Variants in ARHGEF28 observed in about 807,000 individuals in gnomAD.
ARHGEF28 encodes the protein Rho guanine nucleotide exchange factor 28, also known as 190 kDa guanine nucleotide exchange factor.
Under a neutral mutation model 206.6 loss-of-function variants are expected in ARHGEF28, and 152 were observed. That is an observed-to-expected ratio of 0.74 (90% CI 0.64 to 0.84). The LOEUF (loss-of-function observed/expected upper bound fraction) is 0.84. Among genes scored for constraint, ARHGEF28 ranks in the 40% least tolerant of loss-of-function variants. The probability of loss-of-function intolerance (pLI) is 0.00; values close to 1 mark genes in which losing one functional copy is unlikely to be tolerated. For missense variants in ARHGEF28, 2,028 were observed against 2,073.2 expected (o/e 0.98, Z 0.42); for synonymous variants, 763 against 776.4 (o/e 0.98, Z 0.29).
At chr5:73,832,916 T>C (rs916089487) in intron 10 of ARHGEF28, among the ~76,000 whole-genome samples, 29 of 152,348 alleles carry the variant, frequency 1.9e-4, no homozygotes, top group African/African-American at 6.5e-4. Flanking sequence ...ATACAACGCA[T>C]CTATTAACAT....
chr5:73,818,975 A>G (rs1756406123), intron 9 of ARHGEF28, among the ~76,000 whole-genome samples: 1 of 152,206 alleles, frequency 6.6e-6, no homozygotes, highest in African/African-American at 2.4e-5. Context: ...GTCCCATAGG[A>G]GAGATCAGGA....
intron 9 of ARHGEF28, among the ~76,000 whole-genome samples, chr5:73,806,842 A>T (rs1274981432): frequency 6.8e-6 from 1 of 146,934 alleles, no homozygotes; most frequent in Non-Finnish European, 1.5e-5. Context: ...TATATATGGT[A>T]TATATCGATA....
chr5:73,672,692 G>A (rs1160442596), intron 1 of ARHGEF28, among the ~76,000 whole-genome samples: 3 of 152,226 alleles, frequency 2.0e-5, no homozygotes, highest in East Asian at 1.9e-4. Flanking sequence ...TGAGCTTTGC[G>A]TTGACATGAA....
At chr5:73,886,146 T>C in intron 25 of ARHGEF28, 42 bp downstream of exon 25, 1 of 1,560,548 alleles carries the variant, frequency 6.4e-7, no homozygotes, top group Non-Finnish European at 8.6e-7. Flanking sequence ...TTCATACACA[T>C]TATTCATTTA....
At chr5:73,802,154 A>T (rs1433759272) in intron 9 of ARHGEF28, among the ~76,000 whole-genome samples, 1 of 152,238 alleles carries the variant, frequency 6.6e-6, no homozygotes, top group Non-Finnish European at 1.5e-5. Flanking sequence ...GAAATAGGCA[A>T]ACTTTGGGGG....
intron 4 of ARHGEF28, among the ~76,000 whole-genome samples, chr5:73,765,046 T>C (rs1458193194): frequency 1.3e-5 from 2 of 152,246 alleles, no homozygotes; most frequent in Admixed American, 1.3e-4. Flanking sequence ...TAAATATCTG[T>C]AAATTTTCAT....
At chr5:73,893,393 G>C (rs1377357069) in intron 28 of ARHGEF28, 105 bp downstream of exon 28, 2 of 806,942 alleles carry the variant, frequency 2.5e-6, no homozygotes, top group Non-Finnish European at 3.5e-6. Flanking sequence ...TTCATCCTGT[G>C]CACCTGAGGC....
intron 4 of ARHGEF28, among the ~76,000 whole-genome samples, chr5:73,761,929 CAA>C (rs2112423613): frequency 6.6e-6 from 1 of 151,368 alleles, no homozygotes; most frequent in South Asian, 2.1e-4. Flanking sequence ...CTTCTGGGCT[CAA>C]GTGATTCTCT....
chr5:73,743,604 A>G (rs1457013978), intron 2 of ARHGEF28, among the ~76,000 whole-genome samples: 1 of 152,226 alleles, frequency 6.6e-6, no homozygotes, highest in Non-Finnish European at 1.5e-5. Context: ...AATACATTTG[A>G]ATAATCTTGA....
chr5:73,742,882 G>T (rs903587879), intron 2 of ARHGEF28, among the ~76,000 whole-genome samples: 1 of 150,878 alleles, frequency 6.6e-6, no homozygotes, highest in African/African-American at 2.4e-5. Context: ...ATATTGCTAG[G>T]TACTTTAATT....
At chr5:73,692,267 A>G (rs1375744091) in intron 2 of ARHGEF28, among the ~76,000 whole-genome samples, 2 of 152,086 alleles carry the variant, frequency 1.3e-5, no homozygotes, top group Admixed American at 1.3e-4. Flanking sequence ...CAGAGGGTGC[A>G]TGTGTGAGAC....
intron 14 of ARHGEF28, among the ~76,000 whole-genome samples, chr5:73,855,871 G>A (rs1042102242): frequency 6.6e-6 from 1 of 152,148 alleles, no homozygotes; most frequent in Non-Finnish European, 1.5e-5. Flanking sequence ...TGGGAGTAGA[G>A]TTGGGTAACC....
intron 2 of ARHGEF28, among the ~76,000 whole-genome samples, chr5:73,721,747 C>T (rs1273571191): frequency 6.6e-6 from 1 of 152,234 alleles, no homozygotes; most frequent in East Asian, 1.9e-4. Flanking sequence ...CCTAAACTAG[C>T]TGTTTTTGAT....
chr5:73,935,389 C>T (rs1764363637), intron 35 of ARHGEF28, among the ~76,000 whole-genome samples: 1 of 152,110 alleles, frequency 6.6e-6, no homozygotes, highest in East Asian at 1.9e-4. Context: ...ATATAAACTC[C>T]AGACTGGTTG....
At chr5:73,875,262 G>A (rs1760386854) in intron 22 of ARHGEF28, among the ~76,000 whole-genome samples, 1 of 150,946 alleles carries the variant, frequency 6.6e-6, no homozygotes, top group African/African-American at 2.4e-5. Context: ...TTTTTGATGG[G>A]GTTGTTTGTT....
At chr5:73,794,509 G>T in intron 8 of ARHGEF28, 55 bp downstream of exon 8, 1 of 1,398,008 alleles carries the variant, frequency 7.2e-7, no homozygotes, top group Admixed American at 2.1e-5. Context: ...AAGTAGAAAT[G>T]AAGATTTAGT....
At chr5:73,693,858 C>G (rs1285148797) in intron 2 of ARHGEF28, among the ~76,000 whole-genome samples, 1 of 151,622 alleles carries the variant, frequency 6.6e-6, no homozygotes, top group Admixed American at 6.6e-5. Flanking sequence ...GCTTTTATCT[C>G]TTTGCCTTGT....
At chr5:73,851,483 G>A (rs1233240699) in intron 13 of ARHGEF28, among the ~76,000 whole-genome samples, 1 of 151,578 alleles carries the variant, frequency 6.6e-6, no homozygotes. Context: ...ACAAAATCCA[G>A]TTTTATAATT....
At chr5:73,906,581 A>G (rs1379709058) in intron 33 of ARHGEF28, among the ~76,000 whole-genome samples, 2 of 152,226 alleles carry the variant, frequency 1.3e-5, no homozygotes, top group Non-Finnish European at 2.9e-5. Context: ...TTAAAATTTC[A>G]TTATATTTTT....
Sources: gnomAD v4.1 joint callset for allele counts (sites outside exome capture counted in the v4.1 genomes callset) on GRCh38, gnomAD v4.1.1 for gene constraint, MANE v1.5 for transcripts, NCBI Gene and HGNC (gene_info 2026-07-23, HGNC 2026-07-21) for gene names.